Variants in FBXW7 observed in about 807,000 individuals in gnomAD.
FBXW7 encodes the protein F-box/WD repeat-containing protein 7.
In FBXW7, 11 loss-of-function variants were observed where a neutral mutation model predicts 86.3. The ratio of observed to expected loss-of-function variants is 0.13; its 90% CI spans 0.08 to 0.21. The LOEUF is 0.21. Among genes scored for constraint, FBXW7 ranks in the 10% least tolerant of loss-of-function variants. The pLI, the probability that FBXW7 is intolerant of heterozygous loss-of-function variation, is 1.00. For synonymous variants in FBXW7, 313 were observed against 297.9 expected, an observed-to-expected ratio of 1.05 and a Z score of -0.52; for missense variants, 488 against 847.4, an observed-to-expected ratio of 0.58 and a Z score of 5.27.
intron 2 of FBXW7, among the ~76,000 whole-genome samples, chr4:152,510,529 G>C (rs1251704676): frequency 6.6e-6 from 1 of 152,150 alleles, no homozygotes; most frequent in Non-Finnish European, 1.5e-5. Context: ...AGGGAGGAGA[G>C]AAAGAGGAGG....
chr4:152,472,495 C>G (rs1364586803), intron 2 of FBXW7, among the ~76,000 whole-genome samples: 3 of 152,066 alleles, frequency 2.0e-5, no homozygotes, highest in Non-Finnish European at 4.4e-5. Flanking sequence ...ATATCCATCT[C>G]AAAAACATAC....
chr4:152,483,143 T>C (rs993271161), intron 2 of FBXW7, among the ~76,000 whole-genome samples: 2 of 152,220 alleles, frequency 1.3e-5, no homozygotes, highest in Non-Finnish European at 2.9e-5. Context: ...AACATACTTG[T>C]ACATATATCT....
chr4:152,460,638 C>T (rs192594396), intron 2 of FBXW7, among the ~76,000 whole-genome samples: 1 of 152,340 alleles, frequency 6.6e-6, no homozygotes, highest in Non-Finnish European at 1.5e-5. Context: ...ATATCCATGG[C>T]TAGAGGTCGC....
Position 152,535,435 on chromosome 4 carries a change from T to G in FBXW7, c.-521A>C. On this transcript the variant is annotated 5_prime_UTR_variant, in exon 1 of 14. Coordinates refer to ENST00000281708, the MANE Select transcript of FBXW7 (RefSeq NM_001349798.2). ...GGAAGGTGAGGAAAGGACGGCGGCG[T>G]CGGTCCTGTTCTCTCCGCCGCCCCA... The G allele has an allele frequency of 2.6e-6, 1 of 387,674 alleles. No individual in the cohort carries two copies. Among genetic ancestry groups the G allele is most frequent in the South Asian group, 1.4e-4 (1 of 6,946 alleles). The allele number at this position is 387,674 out of a possible 1,614,324, so 24.0% of individuals were successfully genotyped here.
intron 6 of FBXW7, among the ~76,000 whole-genome samples, chr4:152,342,560 T>TC (rs199974667): frequency 0.014 from 2,088 of 152,348 alleles, 26 homozygotes; most frequent in Middle Eastern, 0.037. Context: ...CTTTAGTGTC[T>TC]CAATTAGATA....
Position 152,535,132 on chromosome 4 carries a change from CT to C in FBXW7, c.-219del. 6.5e-6 allele frequency: 1 copy of C among 154,444 alleles called. No individual in the cohort carries two copies. Among genetic ancestry groups the C allele is most frequent in the Non-Finnish European group, 1.4e-5 (1 of 69,638 alleles). The allele number at this position is 154,444 out of a possible 1,614,324, so 9.6% of individuals were successfully genotyped here. On this transcript the variant is annotated 5_prime_UTR_variant, in exon 1 of 14. Transcript: ENST00000281708. The stretch of plus-strand genomic sequence containing the variant: ...GAGGCGGCGGCCCCGCTTACCTCCT[CT>C]TTTCCTCTTCCTGGGTCTTTTCAGG...
At chr4:152,423,172 T>C (rs1739093450) in intron 2 of FBXW7, among the ~76,000 whole-genome samples, 1 of 152,198 alleles carries the variant, frequency 6.6e-6, no homozygotes, top group African/African-American at 2.4e-5. Context: ...TTGATATTCA[T>C]TGCCTCCATC....
chr4:152,502,962 C>A (rs757352336), intron 2 of FBXW7, among the ~76,000 whole-genome samples: 1 of 152,084 alleles, frequency 6.6e-6, no homozygotes, highest in Admixed American at 6.6e-5. Flanking sequence ...TGTTTAAAAG[C>A]TTTTTAACAA....
chr4:152,527,965 C>T (rs1052554906), intron 2 of FBXW7, among the ~76,000 whole-genome samples: 1 of 151,898 alleles, frequency 6.6e-6, no homozygotes, highest in Non-Finnish European at 1.5e-5. Flanking sequence ...TGAGACTTCA[C>T]ATTTGGAACT....
intron 2 of FBXW7, among the ~76,000 whole-genome samples, chr4:152,417,375 C>G (rs1262324920): frequency 6.6e-6 from 1 of 152,136 alleles, no homozygotes; most frequent in South Asian, 2.1e-4. Flanking sequence ...GATGGCTCTT[C>G]TTCCTTCTTT....
chr4:152,507,363 A>G (rs1747524052), intron 2 of FBXW7, among the ~76,000 whole-genome samples: 1 of 152,250 alleles, frequency 6.6e-6, no homozygotes, highest in Admixed American at 6.5e-5. Context: ...AGTTTTTTAA[A>G]TTGTTATTAT....
chr4:152,436,269 T>A (rs1047476141), intron 2 of FBXW7, among the ~76,000 whole-genome samples: 1 of 152,202 alleles, frequency 6.6e-6, no homozygotes, highest in Non-Finnish European at 1.5e-5. Flanking sequence ...GTGATCTGAA[T>A]AAAAGGTCAA....
chr4:152,500,686 A>G (rs998357462), intron 2 of FBXW7, among the ~76,000 whole-genome samples: 5 of 152,108 alleles, frequency 3.3e-5, no homozygotes, highest in Non-Finnish European at 7.4e-5. Flanking sequence ...AAGGTTGTTA[A>G]CACAGGGAAG....
At chr4:152,466,287 G>A (rs1743430995) in intron 2 of FBXW7, among the ~76,000 whole-genome samples, 2 of 152,304 alleles carry the variant, frequency 1.3e-5, no homozygotes, top group South Asian at 4.1e-4. Context: ...TGGGCGCAGT[G>A]GCTCAAGCCT....
chr4:152,467,199 C>T (rs547269274), intron 2 of FBXW7, among the ~76,000 whole-genome samples: 6 of 152,238 alleles, frequency 3.9e-5, no homozygotes, highest in Admixed American at 2.0e-4. Context: ...GCAAGGTAAT[C>T]GAATCATGGG....
chr4:152,398,027 C>T (rs1736574579), intron 4 of FBXW7, among the ~76,000 whole-genome samples: 1 of 151,852 alleles, frequency 6.6e-6, no homozygotes, highest in African/African-American at 2.4e-5. Context: ...CTCTTTATCT[C>T]TTTTTGTTGT....
intron 2 of FBXW7, among the ~76,000 whole-genome samples, chr4:152,444,753 G>A (rs765491887): frequency 3.9e-5 from 6 of 152,134 alleles, no homozygotes; most frequent in Admixed American, 6.5e-5. Flanking sequence ...ATCCCATTCC[G>A]GTGATTCTTT....
intron 2 of FBXW7, among the ~76,000 whole-genome samples, chr4:152,454,078 A>G (rs1039146139): frequency 1.3e-5 from 2 of 152,164 alleles, no homozygotes; most frequent in Admixed American, 6.5e-5. Context: ...CACATTCAAA[A>G]TAAGTATATT....
intron 4 of FBXW7, among the ~76,000 whole-genome samples, chr4:152,361,286 A>C (rs763611027): frequency 6.6e-6 from 1 of 152,200 alleles, no homozygotes; most frequent in Non-Finnish European, 1.5e-5. Flanking sequence ...CATTTTAAAA[A>C]GAGGATTCTA....
Sources: allele counts gnomAD v4.1 joint callset (sites outside exome capture counted in the v4.1 genomes callset), GRCh38; gene constraint gnomAD v4.1.1; transcripts MANE v1.5; gene names NCBI Gene and HGNC (gene_info 2026-07-23, HGNC 2026-07-21).